GIGYF2: variants seen among roughly 807,000 people sequenced by gnomAD.
The protein encoded by GIGYF2 is GRB10-interacting GYF protein 2.
A neutral mutation model predicts 208.1 loss-of-function variants in GIGYF2; 25 were observed. That is an observed-to-expected ratio of 0.12 (90% confidence interval 0.09 to 0.17). The LOEUF is 0.17. Among genes scored for constraint, GIGYF2 ranks in the 10% least tolerant of loss-of-function variants. The pLI is 1.00. For synonymous variants in GIGYF2, 534 were observed against 543.8 expected (o/e 0.98, Z 0.25); for missense variants, 1,302 against 1,579.4 (o/e 0.82, Z 2.98).
chr2:232,718,944 A>AT (rs1177171620), intron 2 of GIGYF2: 3 of 149,392 alleles, frequency 2.0e-5, no homozygotes, highest in African/African-American at 4.9e-5. Context: ...ATTTTGCCAT[A>AT]TTTTTTCTGG....
rs1574846688 is a variant in GIGYF2, at chr2:232,761,293, T to C, written c.492-103T>C. ...AACTATGTATTTATTTGTTTTGTAA[T>C]TTGAAGAAGAAATGCTTTTAGAAAA... On this transcript the variant is annotated intron_variant, in intron 7 of 28. Coordinates refer to ENST00000373563, the MANE Select transcript of GIGYF2 (RefSeq NM_001103146.3). 1.2e-5 allele frequency: 9 copies of C among 750,240 alleles called. No homozygotes were observed. In the East Asian group the frequency reaches 2.1e-4, roughly 17 times the overall value. The allele number at this position is 750,240 out of a possible 1,614,324, so 46.5% of individuals were successfully genotyped here.
At chr2:232,799,459 A>C (rs990007885) in intron 14 of GIGYF2, among the ~76,000 whole-genome samples, 32 of 151,894 alleles carry the variant, frequency 2.1e-4, no homozygotes, top group African/African-American at 7.7e-4. Context: ...CTGAGGCAGG[A>C]GGATCACTTG....
At chr2:232,795,431 G>A (rs758811013) in intron 13 of GIGYF2, among the ~76,000 whole-genome samples, 3 of 152,224 alleles carry the variant, frequency 2.0e-5, no homozygotes, top group Non-Finnish European at 4.4e-5. Context: ...TTTGGGGTGG[G>A]ATGGTTAGTG....
intron 3 of GIGYF2, among the ~76,000 whole-genome samples, chr2:232,739,370 C>T (rs1055733788): frequency 1.5e-5 from 2 of 134,522 alleles, no homozygotes; most frequent in Non-Finnish European, 1.6e-5. Flanking sequence ...AACCCCCCCC[C>T]CCCCGCAAAA....
At chr2:232,784,391 T>TTC (rs1553613393) in intron 8 of GIGYF2, among the ~76,000 whole-genome samples, 3 of 120,208 alleles carry the variant, frequency 2.5e-5, no homozygotes, top group South Asian at 5.4e-4. Context: ...AATTTCTTTT[T>TTC]TTTTTTTTTT....
At chr2:232,720,256 C>T (rs188824995) in intron 2 of GIGYF2, among the ~76,000 whole-genome samples, 1 of 152,214 alleles carries the variant, frequency 6.6e-6, no homozygotes, top group African/African-American at 2.4e-5. Context: ...CATCTGTATC[C>T]CTGCAAAGGA....
At chr2:232,843,969 C>A (rs774665165) in intron 23 of GIGYF2, 77 bp from the exon 24 acceptor site, 13 of 1,293,960 alleles carry the variant, frequency 1.0e-5, no homozygotes, top group Non-Finnish European at 1.3e-5. Context: ...TATTTACATT[C>A]CATTTAGTAT....
At chr2:232,730,028 A>G in intron 2 of GIGYF2, 1 of 824,968 alleles carries the variant, frequency 1.2e-6, no homozygotes, top group Admixed American at 1.8e-5. Flanking sequence ...ACTTGATGTG[A>G]TTATACCAAC....
chr2:232,735,377 A>G (rs1697691030), intron 3 of GIGYF2, 139 bp downstream of exon 3: 2 of 682,316 alleles, frequency 2.9e-6, no homozygotes, highest in Non-Finnish European at 5.3e-6. Context: ...ACAATGTGTT[A>G]GTTCAGGAAT....
At chr2:232,764,778 G>A (rs1451104652) in intron 8 of GIGYF2, among the ~76,000 whole-genome samples, 1 of 152,200 alleles carries the variant, frequency 6.6e-6, no homozygotes, top group Non-Finnish European at 1.5e-5. Context: ...TAGAACAATA[G>A]CCTGGTTTTA....
chr2:232,792,763 A>G (rs1432632619), intron 12 of GIGYF2, among the ~76,000 whole-genome samples: 2 of 152,176 alleles, frequency 1.3e-5, no homozygotes, highest in East Asian at 3.8e-4. Flanking sequence ...TTTGATTTGT[A>G]GTAGGATATG....
intron 8 of GIGYF2, chr2:232,768,939 A>T: frequency 1.3e-6 from 1 of 746,600 alleles, no homozygotes; most frequent in South Asian, 2.2e-5. Flanking sequence ...TGAGTCAGGA[A>T]TTGAACTCAT....
chr2:232,775,910 A>C (rs189495746), intron 8 of GIGYF2, among the ~76,000 whole-genome samples: 1 of 152,332 alleles, frequency 6.6e-6, no homozygotes, highest in African/African-American at 2.4e-5. Flanking sequence ...AACACTATTG[A>C]GTTCTAACCC....
At chr2:232,748,519 A>G (rs923389960) in intron 4 of GIGYF2, among the ~76,000 whole-genome samples, 1 of 152,194 alleles carries the variant, frequency 6.6e-6, no homozygotes, top group Non-Finnish European at 1.5e-5. Flanking sequence ...TTCTGCCCTC[A>G]AGTGATCTGC....
intron 28 of GIGYF2, 111 bp from the exon 29 acceptor site, chr2:232,856,682 A>G: frequency 3.8e-6 from 3 of 799,582 alleles, no homozygotes; most frequent in Non-Finnish European, 6.8e-6. Context: ...ACAGAGTGAA[A>G]CCCTGTCTCA....
At chr2:232,789,227 G>A (rs865958779) in intron 9 of GIGYF2, among the ~76,000 whole-genome samples, 13 of 152,176 alleles carry the variant, frequency 8.5e-5, no homozygotes, top group Non-Finnish European at 1.0e-4. Flanking sequence ...TAACATTATG[G>A]GATATAAAAT....
At chr2:232,843,880 T>A in intron 23 of GIGYF2, 166 bp from the exon 24 acceptor site, 1 of 677,966 alleles carries the variant, frequency 1.5e-6, no homozygotes. Context: ...TTCTCCTTTT[T>A]AATACTGTTA....
intron 2 of GIGYF2, among the ~76,000 whole-genome samples, chr2:232,709,982 T>TG (rs1032144280): frequency 6.6e-6 from 1 of 151,134 alleles, no homozygotes; most frequent in African/African-American, 2.5e-5. Context: ...TTATTTGAGA[T>TG]GGAGTCTTGC....
At chr2:232,745,711 T>A (rs1698125615) in intron 3 of GIGYF2, among the ~76,000 whole-genome samples, 1 of 152,150 alleles carries the variant, frequency 6.6e-6, no homozygotes, top group Non-Finnish European at 1.5e-5. Flanking sequence ...AAGAATATAA[T>A]CACTTACAAC....
Sources: gnomAD v4.1 joint callset for allele counts (sites outside exome capture counted in the v4.1 genomes callset) on GRCh38, gnomAD v4.1.1 for gene constraint, MANE v1.5 for transcripts, NCBI Gene and HGNC (gene_info 2026-07-23, HGNC 2026-07-21) for gene names.